TASP1: variants seen among roughly 807,000 people sequenced by gnomAD.
TASP1 encodes the protein threonine aspartase 1.
A neutral mutation model predicts 56.6 loss-of-function variants in TASP1; 16 were observed. The observed-to-expected ratio is 0.28, with a 90% CI of 0.19 to 0.43. TASP1 has a LOEUF of 0.43. Among genes scored for constraint, TASP1 ranks in the 20% least tolerant of loss-of-function variants. The pLI, the probability that TASP1 is intolerant of heterozygous loss-of-function variation, is 1.00. For missense variants in TASP1, 393 were observed against 511.6 expected (o/e 0.77, Z 2.24); for synonymous variants, 179 against 184.2 (o/e 0.97, Z 0.23).
Position 13,589,137 on chromosome 20 carries a change from G to C in TASP1, c.283-1767C>G, listed in dbSNP as rs546886542. On this transcript the variant is annotated intron_variant, in intron 4 of 13. Transcript: ENST00000337743. ...CAGTGGTGTGATCTCGGCTCACTGC[G>C]AGCTCTGCCTCCTGGGTTCACGCCA... Among the ~76,000 whole-genome samples the C allele has an allele frequency of 3.4e-5, 5 of 145,916 alleles. No homozygotes were observed. In the South Asian group the frequency reaches 1.1e-3, roughly 32 times the overall value.
At chr20:13,344,780 C>T in the TASP1 span, among the ~76,000 whole-genome samples, 2 of 152,180 alleles carry the variant, frequency 1.3e-5, no homozygotes, top group Admixed American at 6.5e-5. Flanking sequence ...CCACAGTGCT[C>T]GCGCCTCTCC....
chr20:13,436,363 G>A (rs1015934388), intron 11 of TASP1, among the ~76,000 whole-genome samples: 1 of 142,846 alleles, frequency 7.0e-6, no homozygotes. Context: ...AAAAAAAAAA[G>A]GAGGAGGAGG....
the TASP1 span, among the ~76,000 whole-genome samples, chr20:13,180,484 G>C: frequency 1.3e-5 from 2 of 152,158 alleles, no homozygotes; most frequent in Non-Finnish European, 2.9e-5. Flanking sequence ...ATACTGCCCA[G>C]CTTCTGCTTT....
downstream of TASP1, chr20:13,389,317 GAAC>G (rs1034935629): frequency 4.6e-5 from 7 of 152,120 alleles, no homozygotes; most frequent in African/African-American, 1.7e-4. Context: ...GGAACAATCA[GAAC>G]AACAGCAAGA....
chr20:13,208,754 G>C, the TASP1 span, among the ~76,000 whole-genome samples: 1 of 152,168 alleles, frequency 6.6e-6, no homozygotes, highest in Non-Finnish European at 1.5e-5. Flanking sequence ...GAGCTGTTTT[G>C]TCCCAGCTGA....
chr20:13,315,917 C>T, the TASP1 span, among the ~76,000 whole-genome samples: 1 of 151,904 alleles, frequency 6.6e-6, no homozygotes, highest in East Asian at 1.9e-4. Context: ...GAAAACATCT[C>T]AAGACAAACT....
chr20:13,224,885 G>T, the TASP1 span, among the ~76,000 whole-genome samples: 4 of 127,184 alleles, frequency 3.1e-5, no homozygotes, highest in East Asian at 9.2e-4. Flanking sequence ...TTGCTCTGTC[G>T]CCCAGGCTGG....
Position 13,427,070 on chromosome 20 carries a change from A to G in TASP1, c.1096+7974T>C, listed in dbSNP as rs544292939. 1.7e-4 allele frequency among the ~76,000 whole-genome samples: 26 copies of G among 152,330 alleles called. 1 individual carries two copies. The South Asian group carries it at 4.3e-3, about 25-fold the overall frequency. Reference sequence around the variant, plus strand: ...GTGAGCCCAGCAGAAATGCCTAGTCATAAGTGCTCACTGTGGCATGTGCCA... The same window carrying G: ...GTGAGCCCAGCAGAAATGCCTAGTCGTAAGTGCTCACTGTGGCATGTGCCA... On this transcript the variant is annotated intron_variant, in intron 12 of 13. Coordinates refer to ENST00000337743, the MANE Select transcript of TASP1 (RefSeq NM_017714.3).
the TASP1 span, among the ~76,000 whole-genome samples, chr20:13,199,340 A>C: frequency 6.6e-6 from 1 of 151,238 alleles, no homozygotes; most frequent in South Asian, 2.1e-4. Flanking sequence ...CATTTATTTC[A>C]TTGCCTGTCT....
chr20:13,395,538 TAAC>T (rs1408049000), intron 13 of TASP1, among the ~76,000 whole-genome samples: 6 of 152,298 alleles, frequency 3.9e-5, no homozygotes, highest in African/African-American at 1.2e-4. Context: ...AAAATCCATT[TAAC>T]AACAAGTTAA....
At chr20:13,172,930 T>G in the TASP1 span, among the ~76,000 whole-genome samples, 195 of 152,312 alleles carry the variant, frequency 1.3e-3, no homozygotes, top group African/African-American at 4.4e-3. Context: ...AATTTTTTGC[T>G]CAAGTCCCAC....
At chr20:13,275,556 G>A in the TASP1 span, among the ~76,000 whole-genome samples, 5 of 152,314 alleles carry the variant, frequency 3.3e-5, no homozygotes, top group South Asian at 2.1e-4. Context: ...CTTGACCTCC[G>A]TAGCCCCATG....
chr20:13,623,186 TA>T (rs2048776642), intron 4 of TASP1, among the ~76,000 whole-genome samples: 1 of 151,930 alleles, frequency 6.6e-6, no homozygotes, highest in South Asian at 2.1e-4. Flanking sequence ...ATGGGAAACT[TA>T]AGTATCCAAT....
chr20:13,278,546 C>G, the TASP1 span, among the ~76,000 whole-genome samples: 4 of 152,220 alleles, frequency 2.6e-5, no homozygotes, highest in Non-Finnish European at 5.9e-5. Flanking sequence ...AAGTTAGGGA[C>G]AGCATGGGCT....
At chr20:13,634,255 A>G (rs1177890253) in intron 1 of TASP1, among the ~76,000 whole-genome samples, 1 of 152,248 alleles carries the variant, frequency 6.6e-6, no homozygotes. Flanking sequence ...AGAATATTGA[A>G]ACAATGAAAA....
At chr20:13,299,491 C>G in the TASP1 span, 12 of 1,568,064 alleles carry the variant, frequency 7.7e-6, no homozygotes, top group Non-Finnish European at 1.0e-5. The surrounding 1 kb of genome is among the most constrained non-coding windows in gnomAD (Gnocchi z 5.8). Flanking sequence ...GACGCTGCCT[C>G]TGGTTCTGGA....
chr20:13,289,200 T>A, the TASP1 span, among the ~76,000 whole-genome samples: 1 of 152,204 alleles, frequency 6.6e-6, no homozygotes, highest in Non-Finnish European at 1.5e-5. Flanking sequence ...AATGTCGCAT[T>A]GTACTTATTT....
chr20:13,417,810 G>A (rs538191953), intron 12 of TASP1, among the ~76,000 whole-genome samples: 8 of 151,904 alleles, frequency 5.3e-5, no homozygotes, highest in Middle Eastern at 3.2e-3. Context: ...ACACACACTC[G>A]TACATACGGT....
intron 10 of TASP1, among the ~76,000 whole-genome samples, chr20:13,522,899 G>C (rs1291884247): frequency 6.6e-6 from 1 of 152,160 alleles, no homozygotes; most frequent in Non-Finnish European, 1.5e-5. Context: ...GGAAAAACAG[G>C]AGTGTGTGGT....
Sources: allele counts gnomAD v4.1 joint callset (sites outside exome capture counted in the v4.1 genomes callset), GRCh38; gene constraint gnomAD v4.1.1; non-coding constraint Gnocchi (gnomAD v3.1); transcripts MANE v1.5; gene names NCBI Gene and HGNC (gene_info 2026-07-23, HGNC 2026-07-21).